PZP: variants seen among roughly 807,000 people sequenced by gnomAD.
PZP encodes the protein PZP alpha-2-macroglobulin like, also known as pregnancy zone protein.
PZP carries 150 observed loss-of-function variants against 179.8 expected under a neutral mutation model. That is an observed-to-expected ratio of 0.83 (90% CI 0.73 to 0.96). The LOEUF (loss-of-function observed/expected upper bound fraction) is 0.96. PZP is among the 40% of genes least tolerant of loss of function. The probability of loss-of-function intolerance (pLI) is 0.00; values close to 1 mark genes in which losing one functional copy is unlikely to be tolerated. For missense variants in PZP, 1,689 were observed against 1,764.0 expected (o/e 0.96, Z 0.76); for synonymous variants, 624 against 652.3 (o/e 0.96, Z 0.66).
intron 7 of PZP, among the ~76,000 whole-genome samples, chr12:9,199,113 C>T (rs1409039411): frequency 6.6e-6 from 1 of 152,130 alleles, no homozygotes; most frequent in African/African-American, 2.4e-5. Flanking sequence ...AGAGAAGCAG[C>T]AGAATGCCTA....
intron 15 of PZP, among the ~76,000 whole-genome samples, chr12:9,180,255 C>T (rs988248615): frequency 6.6e-6 from 1 of 152,094 alleles, no homozygotes; most frequent in African/African-American, 2.4e-5. Context: ...ATGCCATCCC[C>T]ATCAAGCTAC....
chr12:9,185,790 A>ATTTCTTTTGTTTTCTTTTCT (rs1555173419), intron 13 of PZP, among the ~76,000 whole-genome samples: 1 of 134,266 alleles, frequency 7.4e-6, no homozygotes, highest in Non-Finnish European at 1.6e-5. Context: ...TATGTTCAAC[A>ATTTCTTTTGTTTTCTTTTCT]TTTCTTTTCT....
Position 9,158,593 on chromosome 12 carries a change from T to C in PZP, c.3138-17A>G, listed in dbSNP as rs1259945915. 8.1e-6 allele frequency: 13 copies of C among 1,613,398 alleles called. No homozygotes were observed. The highest frequency in any genetic ancestry group is 1.1e-5 in the Non-Finnish European group (13 of 1,179,546). On this transcript the variant is annotated splice_polypyrimidine_tract_variant and intron_variant, in intron 25 of 35. Transcript: ENST00000261336. ...GCTGTGAGCCTAGGGGGAGGAAAAA[T>C]GCAGTGCTGAGGCTCTTTTCATTGA...
rs1373885560 is a variant in PZP, at chr12:9,203,889, A to C, written c.146T>G (p.Leu49Arg). The C allele has an allele frequency of 6.2e-7, 1 of 1,614,198 alleles. No homozygotes were observed. The highest frequency in any genetic ancestry group is 8.5e-7 in the Non-Finnish European group (1 of 1,180,018). ...CACTGTCTCATTCAGGTGGCTCAGA[A>C]GGACACAGCCCTTCTTAGGGGCCTC... is the stretch of plus-strand genomic sequence containing the variant. Reference protein sequence around the residue: ...HTEAPKKGCVLLSHLNETVTV... With the variant: ...HTEAPKKGCVRLSHLNETVTV... The change falls in exon 2 of 36, where the codon CTT becomes CGT. Residue 49 changes from leucine (L) to arginine (R), a missense_variant. Coordinates refer to ENST00000261336, the MANE Select transcript of PZP (RefSeq NM_002864.3).
chr12:9,197,560 A>G (rs1943863348), intron 7 of PZP, among the ~76,000 whole-genome samples: 2 of 115,094 alleles, frequency 1.7e-5, no homozygotes, highest in Admixed American at 2.5e-4. Context: ...AATAATATAT[A>G]ATGTAATATA....
chr12:9,165,852 A>G (rs1298688365), intron 18 of PZP, among the ~76,000 whole-genome samples, 200 bp downstream of exon 18: 1 of 152,210 alleles, frequency 6.6e-6, no homozygotes, highest in Non-Finnish European at 1.5e-5. Flanking sequence ...ATCAGAAATA[A>G]TTATTTTAGA....
chr12:9,197,966 T>A (rs938842142), intron 7 of PZP, among the ~76,000 whole-genome samples: 6 of 134,652 alleles, frequency 4.5e-5, no homozygotes, highest in Admixed American at 1.8e-4. Context: ...ATTTATATAT[T>A]ATATATTAAT....
At chr12:9,207,916 C>A (rs909158554) in intron 1 of PZP, among the ~76,000 whole-genome samples, 3 of 152,194 alleles carry the variant, frequency 2.0e-5, no homozygotes, top group Admixed American at 1.3e-4. Context: ...ATATGGCCTA[C>A]AATACATGTT....
At chr12:9,162,576 A>T in intron 22 of PZP, 21 bp downstream of exon 22, 1 of 1,539,534 alleles carries the variant, frequency 6.5e-7, no homozygotes. Context: ...TCTCACTATG[A>T]TTATGAAGAT....
chr12:9,204,016 G>T (rs1197831001), intron 1 of PZP, 65 bp from the exon 2 acceptor site: 1 of 1,427,724 alleles, frequency 7.0e-7, no homozygotes, highest in East Asian at 2.3e-5. Context: ...ATCCATAAAT[G>T]TGTTTTCATA....
intron 28 of PZP, 130 bp downstream of exon 28, chr12:9,157,045 C>T (rs1421647874): frequency 9.3e-6 from 7 of 756,594 alleles, no homozygotes; most frequent in Non-Finnish European, 1.2e-5. Context: ...TTATTAGGTC[C>T]CCCATGCATT....
chr12:9,165,490 G>T, intron 18 of PZP, 123 bp from the exon 19 acceptor site: 6 of 1,069,644 alleles, frequency 5.6e-6, no homozygotes, highest in Non-Finnish European at 8.1e-6. Context: ...ATGCGAGTGT[G>T]CATTCGTGTG....
chr12:9,145,576 C>T (rs1348858914), downstream of PZP, among the ~76,000 whole-genome samples: 2 of 152,136 alleles, frequency 1.3e-5, no homozygotes, highest in African/African-American at 4.8e-5. Context: ...GTAAAAGTGA[C>T]TTACTAGCAT....
At position 9,194,250 on chromosome 12, in the gene PZP, A is replaced by C. The variant is rs1037663485; in HGVS notation, c.1093-12T>G. 7 of 1,613,136 alleles carry C rather than the reference A, an allele frequency of 4.3e-6. No homozygotes were observed. The African/African-American group carries it at 8.0e-5, about 18-fold the overall frequency. ...TCCACCAGAAGCACCTAAAGAAGAA[A>C]AGTACTTGATAGTTGATGTGAACAA... is the stretch of plus-strand genomic sequence containing the variant. On this transcript the variant is annotated splice_polypyrimidine_tract_variant and intron_variant, in intron 10 of 35. Coordinates refer to ENST00000261336, the MANE Select transcript of PZP (RefSeq NM_002864.3).
In PZP at chr12:9,152,884, A is replaced by G. The variant is rs1940463527; in HGVS notation, c.4061T>C (p.Val1354Ala). ...DSPFALKVQT[V>A]PQTCDGHKAH... ...TTTGTGTCCATCGCAAGTTTGGGGC[A>G]CAGTCTGCACTTTTAAAGCAAATGG... The change falls in exon 31 of 36, where the codon GTG becomes GCG. Residue 1354 changes from valine (V) to alanine (A), a missense_variant. Val to Ala is a moderately conservative substitution (Grantham distance 64, BLOSUM62 0). Coordinates refer to ENST00000261336, the MANE Select transcript of PZP (RefSeq NM_002864.3). 5.0e-6 allele frequency: 8 copies of G among 1,614,138 alleles called. No individual in the cohort carries two copies. The highest frequency in any genetic ancestry group is 6.8e-6 in the Non-Finnish European group (8 of 1,179,994).
the PZP span, among the ~76,000 whole-genome samples, chr12:9,137,088 C>T: frequency 6.6e-6 from 1 of 152,030 alleles, no homozygotes; most frequent in Admixed American, 6.6e-5. Context: ...GTGTCATATC[C>T]AAGAAATCAT....
chr12:9,203,860 C>T lies in PZP; in HGVS notation c.175G>A (p.Val59Ile), dbSNP rs766507954. 3.7e-6 allele frequency: 6 copies of T among 1,614,060 alleles called. No homozygotes were observed. The East Asian group carries it at 1.1e-4, about 30-fold the overall frequency. Reference protein sequence around the residue: ...LLSHLNETVTVSASLESGREN... With the variant: ...LLSHLNETVTISASLESGREN... ...CTGCCAGACTCCAAGGAAGCACTTA[C>T]AGTCACTGTCTCATTCAGGTGGCTC... is the stretch of plus-strand genomic sequence containing the variant. The change falls in exon 2 of 36, where the codon GTA (valine) becomes ATA (isoleucine). Residue 59 changes from valine (V) to isoleucine (I), a missense_variant. Around this residue, in one of 3 missense-constraint regions of PZP, gnomAD observed 742 missense variants for 730.5 expected, o/e 1.02. Transcript: ENST00000261336.
At chr12:9,198,740 C>G (rs1276500694) in intron 7 of PZP, among the ~76,000 whole-genome samples, 1 of 152,150 alleles carries the variant, frequency 6.6e-6, no homozygotes, top group African/African-American at 2.4e-5. Context: ...GCAAATGGCT[C>G]TGAAATTACT....
intron 34 of PZP, 40 bp from the exon 35 acceptor site, chr12:9,149,642 T>G: frequency 6.3e-7 from 1 of 1,598,096 alleles, no homozygotes; most frequent in Non-Finnish European, 8.6e-7. Context: ...ACGAAAGATC[T>G]ATGAACTAGG....
Sources: allele counts gnomAD v4.1 joint callset (sites outside exome capture counted in the v4.1 genomes callset), GRCh38; gene constraint gnomAD v4.1.1; regional missense constraint gnomAD v4.1.1; transcripts MANE v1.5; gene names NCBI Gene and HGNC (gene_info 2026-07-23, HGNC 2026-07-21).